Variants in ZNF618 observed in about 807,000 individuals in gnomAD.
ZNF618 encodes zinc finger protein 618, also known as neural precursor cell expressed, developmentally down-regulated 10.
A neutral mutation model predicts 103.0 loss-of-function variants in ZNF618; 34 were observed. That is an observed-to-expected ratio of 0.33 (90% confidence interval 0.25 to 0.44). ZNF618 has a LOEUF of 0.44. Ranked by LOEUF, ZNF618 falls within the 20% of genes least tolerant of loss-of-function variation. ZNF618 has a pLI of 1.00. For synonymous variants in ZNF618, 551 were observed against 542.2 expected, an observed-to-expected ratio of 1.02 and a Z score of -0.23; for missense variants, 1,059 against 1,295.4, an observed-to-expected ratio of 0.82 and a Z score of 2.80.
chr9:114,011,888 T>C (rs966294536), intron 9 of ZNF618, among the ~76,000 whole-genome samples: 1 of 152,160 alleles, frequency 6.6e-6, no homozygotes. Flanking sequence ...ATCCAAGAAT[T>C]ACTTCCATGA....
chr9:113,966,093 C>A (rs1032893516), intron 1 of ZNF618, among the ~76,000 whole-genome samples: 1 of 152,154 alleles, frequency 6.6e-6, no homozygotes, highest in Non-Finnish European at 1.5e-5. Flanking sequence ...AAATAGTGGC[C>A]TCTATAACTA....
rs376480138 is a variant in ZNF618 at position 113,889,386 on chromosome 9, G to C, written c.33+12973G>C. On this transcript the variant is annotated intron_variant, in intron 1 of 14. Transcript: ENST00000374126. ...CTCCATGTGTGGTCTCTCCAGCATA[G>C]AGGCTTCATATATGGCTAGACTTCT... Among the ~76,000 whole-genome samples the C allele has an allele frequency of 2.4e-4, 36 of 148,226 alleles. 1 individual carries two copies. Among genetic ancestry groups the C allele is most frequent in the African/African-American group, 8.8e-4 (36 of 41,056 alleles).
intron 9 of ZNF618, among the ~76,000 whole-genome samples, chr9:114,014,091 A>G (rs1440800582): frequency 6.6e-6 from 1 of 152,256 alleles, no homozygotes; most frequent in African/African-American, 2.4e-5. Flanking sequence ...AAAATTGGAA[A>G]ATAATGGAAT....
chr9:113,942,788 A>G (rs916953387), intron 1 of ZNF618, among the ~76,000 whole-genome samples: 6 of 152,204 alleles, frequency 3.9e-5, no homozygotes, highest in African/African-American at 1.4e-4. Context: ...ACCATTGTGA[A>G]ATTCCATTTT....
chr9:113,953,299 T>C (rs2132380576), intron 1 of ZNF618, among the ~76,000 whole-genome samples: 1 of 152,298 alleles, frequency 6.6e-6, no homozygotes, highest in East Asian at 1.9e-4. Context: ...GTCACAGTCT[T>C]CTTCAATCAG....
chr9:113,941,944 G>T (rs1364193234), intron 1 of ZNF618, among the ~76,000 whole-genome samples: 3 of 152,204 alleles, frequency 2.0e-5, no homozygotes, highest in Non-Finnish European at 2.9e-5. Context: ...CTGGACAGCT[G>T]GTCAACCCTC....
chr9:114,026,141 T>C (rs114420662), intron 10 of ZNF618, among the ~76,000 whole-genome samples: 3,359 of 152,256 alleles, frequency 0.022, 132 homozygotes, highest in African/African-American at 0.077. Flanking sequence ...GTACAGTGTG[T>C]AGGACCAACA....
rs1171442237 is a variant in ZNF618 at position 114,050,264 on chromosome 9, C to G, written c.*97C>G. ...AAAGAAAAGGAATTTAAGTTCTAAA[C>G]ACTGTGGACCTCATTATAAATGCCC... On this transcript the variant is annotated 3_prime_UTR_variant, in exon 15 of 15. Transcript: ENST00000374126. 1.4e-5 allele frequency: 19 copies of G among 1,395,048 alleles called. No individual in the cohort carries two copies. Among genetic ancestry groups the G allele is most frequent in the Non-Finnish European group, 1.8e-5 (19 of 1,042,612 alleles). The allele number at this position is 1,395,048 out of a possible 1,614,324, so 86.4% of individuals were successfully genotyped here.
chr9:113,962,460 A>C (rs1048203304), intron 1 of ZNF618, among the ~76,000 whole-genome samples: 2 of 152,192 alleles, frequency 1.3e-5, no homozygotes, highest in African/African-American at 4.8e-5. Flanking sequence ...CACTTTGCCA[A>C]AACCTTCTAG....
At chr9:114,028,461 C>G (rs1282180232) in intron 10 of ZNF618, 2 of 484,598 alleles carry the variant, frequency 4.1e-6, no homozygotes, top group Admixed American at 3.8e-5. Flanking sequence ...AAGAGCCAGT[C>G]AGTCCAGAGA....
intron 13 of ZNF618, among the ~76,000 whole-genome samples, chr9:114,042,749 A>G (rs10982046): frequency 0.051 from 7,824 of 152,292 alleles, 284 homozygotes; most frequent in Middle Eastern, 0.092. Flanking sequence ...GGATCACTTG[A>G]GCCTGGGAGG....
chr9:113,923,650 A>T (rs1338778168), intron 1 of ZNF618, among the ~76,000 whole-genome samples: 5 of 152,126 alleles, frequency 3.3e-5, no homozygotes, highest in Non-Finnish European at 7.4e-5. Flanking sequence ...GTCAGGGCAT[A>T]CACTTTTTAA....
At chr9:113,958,557 C>G (rs548680621) in intron 1 of ZNF618, among the ~76,000 whole-genome samples, 1 of 152,332 alleles carries the variant, frequency 6.6e-6, no homozygotes, top group Non-Finnish European at 1.5e-5. Flanking sequence ...CACAATGGCT[C>G]TGTGAGGTGG....
Position 113,988,019 on chromosome 9 carries a change from G to A in ZNF618, c.78-302G>A, listed in dbSNP as rs887048872. ...AGTTATGATAAGTGCAAACAAATAA[G>A]TGGCAAGTGAGGCAACTGGGCACAT... On this transcript the variant is annotated intron_variant, in intron 2 of 14. Transcript: ENST00000374126. 2.6e-5 allele frequency among the ~76,000 whole-genome samples: 4 copies of A among 152,206 alleles called. No homozygotes were observed. In the East Asian group the frequency reaches 5.8e-4, roughly 22 times the overall value.
chr9:113,928,555 A>T (rs1350777209), intron 1 of ZNF618, among the ~76,000 whole-genome samples: 1 of 152,166 alleles, frequency 6.6e-6, no homozygotes, highest in Non-Finnish European at 1.5e-5. Context: ...GTGAAGTTTT[A>T]TGTTTATGTG....
At chr9:113,917,682 A>G (rs1278337369) in intron 1 of ZNF618, among the ~76,000 whole-genome samples, 1 of 152,146 alleles carries the variant, frequency 6.6e-6, no homozygotes, top group Admixed American at 6.5e-5. Flanking sequence ...CAATTTGTAT[A>G]TACTTCCTCT....
chr9:113,987,523 T>C (rs1386373257), intron 2 of ZNF618, among the ~76,000 whole-genome samples: 1 of 152,200 alleles, frequency 6.6e-6, no homozygotes, highest in Non-Finnish European at 1.5e-5. Context: ...AATTGGAGTT[T>C]CCCGTTTGTA....
intron 10 of ZNF618, among the ~76,000 whole-genome samples, chr9:114,027,313 C>T (rs539262781): frequency 7.9e-5 from 12 of 152,256 alleles, no homozygotes; most frequent in Middle Eastern, 3.4e-3. Context: ...AAGTGTTTTC[C>T]GCAGACTGAG....
chr9:113,879,425 T>C (rs1157129562), intron 1 of ZNF618, among the ~76,000 whole-genome samples: 1 of 150,232 alleles, frequency 6.7e-6, no homozygotes, highest in Non-Finnish European at 1.5e-5. Context: ...AATTGGTTAT[T>C]CTGATCATGT....
Sources: allele counts gnomAD v4.1 joint callset (sites outside exome capture counted in the v4.1 genomes callset), GRCh38; gene constraint gnomAD v4.1.1; transcripts MANE v1.5; gene names NCBI Gene and HGNC (gene_info 2026-07-23, HGNC 2026-07-21).